SLC24A2: variants seen among roughly 807,000 people sequenced by gnomAD.
SLC24A2 encodes the protein solute carrier family 24 member 2, also known as sodium/potassium/calcium exchanger 2.
Under a neutral mutation model 62.0 loss-of-function variants are expected in SLC24A2, and 36 were observed. That is an observed-to-expected ratio of 0.58 (90% confidence interval 0.44 to 0.77). The LOEUF (loss-of-function observed/expected upper bound fraction) is 0.77, where lower values mean the gene tolerates loss of function less well. Ranked by LOEUF, SLC24A2 falls within the 30% of genes least tolerant of loss-of-function variation. The pLI, the probability that SLC24A2 is intolerant of heterozygous loss-of-function variation, is 0.00. For missense variants in SLC24A2, 846 were observed against 817.9 expected (o/e 1.03, Z -0.42); for synonymous variants, 358 against 294.0 (o/e 1.22, Z -2.23).
At chr9:20,254,730 G>C in the SLC24A2 span, among the ~76,000 whole-genome samples, 2 of 152,168 alleles carry the variant, frequency 1.3e-5, no homozygotes, top group South Asian at 4.1e-4. Context: ...CAGGTTCCTG[G>C]ATGGGGGCTG....
At chr9:19,741,048 A>G (rs1345842627) in intron 2 of SLC24A2, among the ~76,000 whole-genome samples, 1 of 152,164 alleles carries the variant, frequency 6.6e-6, no homozygotes, top group Non-Finnish European at 1.5e-5. Context: ...AGATGTTGCT[A>G]TCCTCTGTAT....
At chr9:20,024,665 C>T in the SLC24A2 span, among the ~76,000 whole-genome samples, 2 of 151,994 alleles carry the variant, frequency 1.3e-5, no homozygotes, top group African/African-American at 2.4e-5. Flanking sequence ...TATGAAAATA[C>T]GTGTGTGTGT....
At chr9:19,745,012 C>T (rs1821791156) in intron 2 of SLC24A2, among the ~76,000 whole-genome samples, 1 of 152,158 alleles carries the variant, frequency 6.6e-6, no homozygotes, top group Admixed American at 6.5e-5. Context: ...TGTGACCTAG[C>T]ATGTTGGAGG....
chr9:20,017,728 T>C, the SLC24A2 span, among the ~76,000 whole-genome samples: 1 of 152,174 alleles, frequency 6.6e-6, no homozygotes, highest in East Asian at 1.9e-4. Context: ...TGGACACTGC[T>C]GATGTTTGAA....
the SLC24A2 span, among the ~76,000 whole-genome samples, chr9:19,852,982 C>T: frequency 1.7e-4 from 26 of 152,016 alleles, no homozygotes; most frequent in Admixed American, 1.2e-3. Flanking sequence ...TGTGTCCTCT[C>T]TTATTTCCTT....
the SLC24A2 span, among the ~76,000 whole-genome samples, chr9:20,108,605 A>T: frequency 6.6e-6 from 1 of 151,726 alleles, no homozygotes; most frequent in Non-Finnish European, 1.5e-5. Flanking sequence ...AGAACAAAAA[A>T]CCAAACACTG....
At chr9:20,166,289 T>C in the SLC24A2 span, among the ~76,000 whole-genome samples, 1 of 151,960 alleles carries the variant, frequency 6.6e-6, no homozygotes, top group South Asian at 2.1e-4. Context: ...TTTAACAATA[T>C]GAAAATAAAT....
chr9:20,292,494 C>T, the SLC24A2 span, among the ~76,000 whole-genome samples: 4 of 152,228 alleles, frequency 2.6e-5, no homozygotes, highest in African/African-American at 9.6e-5. Flanking sequence ...GAAACACAAA[C>T]ATACTGATTC....
the SLC24A2 span, among the ~76,000 whole-genome samples, chr9:19,825,593 T>A: frequency 6.6e-6 from 1 of 152,096 alleles, no homozygotes; most frequent in Non-Finnish European, 1.5e-5. Context: ...GGCTATAGTG[T>A]GATATGTGTG....
the SLC24A2 span, among the ~76,000 whole-genome samples, chr9:19,881,546 G>T: frequency 6.6e-6 from 1 of 152,058 alleles, no homozygotes; most frequent in East Asian, 1.9e-4. Context: ...TGATTATTTT[G>T]GTAAGGAACC....
chr9:19,550,374 T>G, intron 7 of SLC24A2, 106 bp from the exon 8 acceptor site: 1 of 1,194,328 alleles, frequency 8.4e-7, no homozygotes, highest in Non-Finnish European at 1.2e-6. Context: ...CTTATCAGTT[T>G]TCTGGACTCG....
the SLC24A2 span, among the ~76,000 whole-genome samples, chr9:20,219,152 T>G: frequency 1.3e-4 from 20 of 152,170 alleles, no homozygotes; most frequent in Admixed American, 3.9e-4. Flanking sequence ...GTCTTCCCAT[T>G]AGTGGATGGT....
intron 8 of SLC24A2, among the ~76,000 whole-genome samples, chr9:19,548,287 C>G (rs771102141): frequency 6.1e-5 from 9 of 146,746 alleles, no homozygotes; most frequent in South Asian, 2.1e-4. Flanking sequence ...ATTTTTTTTT[C>G]TACTTTGTGG....
At chr9:19,551,620 T>G (rs771817862) in intron 7 of SLC24A2, among the ~76,000 whole-genome samples, 1 of 152,090 alleles carries the variant, frequency 6.6e-6, no homozygotes, top group East Asian at 1.9e-4. Context: ...TTTAGAAAGC[T>G]CCTACCCCTG....
the SLC24A2 span, among the ~76,000 whole-genome samples, chr9:19,977,073 G>A: frequency 4.6e-5 from 7 of 151,778 alleles, no homozygotes; most frequent in African/African-American, 1.7e-4. Flanking sequence ...AAGTTTTTGT[G>A]ACATCTTTGA....
chr9:20,072,013 G>C, the SLC24A2 span, among the ~76,000 whole-genome samples: 1 of 152,076 alleles, frequency 6.6e-6, no homozygotes. Context: ...AGGAACTTCT[G>C]TCCTTGTGGG....
At chr9:20,106,140 TA>T in the SLC24A2 span, among the ~76,000 whole-genome samples, 1 of 152,170 alleles carries the variant, frequency 6.6e-6, no homozygotes, top group South Asian at 2.1e-4. Flanking sequence ...CTCCCAAGAC[TA>T]AACCAGGAAG....
At chr9:19,804,328 T>G in the SLC24A2 span, among the ~76,000 whole-genome samples, 2 of 152,154 alleles carry the variant, frequency 1.3e-5, no homozygotes, top group African/African-American at 4.8e-5. Context: ...CTTGAAAAAT[T>G]TTTTAAATGA....
chr9:19,708,948 C>G (rs192638329), intron 2 of SLC24A2, among the ~76,000 whole-genome samples: 1 of 152,182 alleles, frequency 6.6e-6, no homozygotes, highest in African/African-American at 2.4e-5. Flanking sequence ...GCAAAAGAAA[C>G]TACCATCATA....
Sources: allele counts gnomAD v4.1 joint callset (sites outside exome capture counted in the v4.1 genomes callset), GRCh38; gene constraint gnomAD v4.1.1; transcripts MANE v1.5; gene names NCBI Gene and HGNC (gene_info 2026-07-23, HGNC 2026-07-21).